Variants in LRRTM4 observed in about 807,000 individuals in gnomAD.
LRRTM4 encodes leucine rich repeat transmembrane neuronal 4.
A neutral mutation model predicts 47.6 loss-of-function variants in LRRTM4; 25 were observed. That is an observed-to-expected ratio of 0.53 (90% CI 0.38 to 0.73). The LOEUF is 0.73. Among genes scored for constraint, LRRTM4 ranks in the 30% least tolerant of loss-of-function variants. The probability of loss-of-function intolerance (pLI) is 0.00; values close to 1 mark genes in which losing one functional copy is unlikely to be tolerated. For synonymous variants in LRRTM4, 311 were observed against 269.5 expected (o/e 1.15, Z -1.51); for missense variants, 638 against 713.4 (o/e 0.89, Z 1.20).
At chr2:76,954,917 A>G (rs965651851) in intron 3 of LRRTM4, among the ~76,000 whole-genome samples, 13 of 151,624 alleles carry the variant, frequency 8.6e-5, no homozygotes, top group Non-Finnish European at 1.6e-4. Context: ...TGCTGGGGAC[A>G]AAACAAAAAC....
At chr2:77,467,213 C>T (rs1210158052) in intron 3 of LRRTM4, among the ~76,000 whole-genome samples, 1 of 151,994 alleles carries the variant, frequency 6.6e-6, no homozygotes, top group Non-Finnish European at 1.5e-5. Context: ...GACTCTTTTC[C>T]CCCTCCCACT....
intron 3 of LRRTM4, among the ~76,000 whole-genome samples, chr2:76,964,917 C>T (rs1023587519): frequency 3.3e-5 from 5 of 151,030 alleles, no homozygotes; most frequent in Non-Finnish European, 7.4e-5. Flanking sequence ...ACAAACAACT[C>T]TATACCCACA....
chr2:77,133,811 T>C (rs1671863785), intron 3 of LRRTM4, among the ~76,000 whole-genome samples: 7 of 152,210 alleles, frequency 4.6e-5, no homozygotes, highest in Admixed American at 4.6e-4. Flanking sequence ...AGGCATGAGT[T>C]TCCGCAGTCA....
At chr2:76,867,589 A>G (rs1192075241) in intron 3 of LRRTM4, among the ~76,000 whole-genome samples, 1 of 152,170 alleles carries the variant, frequency 6.6e-6, no homozygotes, top group Non-Finnish European at 1.5e-5. Flanking sequence ...TCAGTTGAAG[A>G]GATACTTGCC....
chr2:77,071,165 T>A (rs953741631), intron 3 of LRRTM4, among the ~76,000 whole-genome samples: 1 of 152,118 alleles, frequency 6.6e-6, no homozygotes, highest in African/African-American at 2.4e-5. Context: ...AAACAAATCA[T>A]CAAAATCTTC....
chr2:77,157,348 G>C (rs1270577220), intron 3 of LRRTM4, among the ~76,000 whole-genome samples: 1 of 152,110 alleles, frequency 6.6e-6, no homozygotes, highest in African/African-American at 2.4e-5. Context: ...AATTGCATTA[G>C]TTAGAATAAG....
chr2:76,855,006 A>C (rs551829393), intron 3 of LRRTM4, among the ~76,000 whole-genome samples: 1 of 152,286 alleles, frequency 6.6e-6, no homozygotes, highest in South Asian at 2.1e-4. Flanking sequence ...GTAATAAATA[A>C]GAAGGTCCAG....
chr2:77,074,726 A>T (rs925835606), intron 3 of LRRTM4, among the ~76,000 whole-genome samples: 36 of 152,304 alleles, frequency 2.4e-4, no homozygotes, highest in Admixed American at 5.9e-4. Flanking sequence ...AGCATGAAAA[A>T]AGGTCAATTG....
chr2:77,089,011 G>C (rs1680828790), intron 3 of LRRTM4, among the ~76,000 whole-genome samples: 1 of 152,004 alleles, frequency 6.6e-6, no homozygotes, highest in Non-Finnish European at 1.5e-5. Context: ...TCACGGACTG[G>C]GAAGGCAGCC....
At chr2:76,826,495 G>A (rs1431158148) in intron 3 of LRRTM4, among the ~76,000 whole-genome samples, 1 of 150,938 alleles carries the variant, frequency 6.6e-6, no homozygotes, top group Non-Finnish European at 1.5e-5. Context: ...TTGGAAAGTA[G>A]GAGAATCAAT....
rs138195746 is a variant in LRRTM4, at chr2:76,999,766, T to A, written c.1552-250850A>T. ...CACGGCACACAGTTTAGAATTTCTC[T>A]GTCTGTACCTATTTTCCACTTGTCT... On this transcript the variant is annotated intron_variant, in intron 3 of 3. Coordinates refer to ENST00000409884, the MANE Select transcript of LRRTM4 (RefSeq NM_001134745.3). Among the ~76,000 whole-genome samples the A allele has an allele frequency of 6.4e-4, 98 of 152,278 alleles. No homozygotes were observed. The East Asian group carries it at 0.015, about 24-fold the overall frequency.
chr2:76,857,942 C>A (rs939426518), intron 3 of LRRTM4, among the ~76,000 whole-genome samples: 2 of 152,112 alleles, frequency 1.3e-5, no homozygotes, highest in Non-Finnish European at 2.9e-5. Flanking sequence ...TTTACTCCAA[C>A]AGGTACTAGA....
chr2:76,969,048 T>A (rs1475536235), intron 3 of LRRTM4, among the ~76,000 whole-genome samples: 1 of 151,914 alleles, frequency 6.6e-6, no homozygotes, highest in Non-Finnish European at 1.5e-5. Context: ...CATTCAAGGT[T>A]GTATTACTCT....
rs969659999 is a variant in LRRTM4 at position 77,156,838 on chromosome 2, A to C, written c.1551+361480T>G. ...TCTGCCACCTCCGCCTCCCAAAGTG[A>C]TGGGACTATAGATGTGAGCTACAGG... On this transcript the variant is annotated intron_variant, in intron 3 of 3. Coordinates refer to ENST00000409884, the MANE Select transcript of LRRTM4 (RefSeq NM_001134745.3). Among the ~76,000 whole-genome samples, 3 of 151,506 alleles carry C rather than the reference A, an allele frequency of 2.0e-5. No homozygotes were observed. In the South Asian group the frequency reaches 6.2e-4, roughly 31 times the overall value.
chr2:77,390,255 T>C (rs1673448242), intron 3 of LRRTM4, among the ~76,000 whole-genome samples: 1 of 151,908 alleles, frequency 6.6e-6, no homozygotes. Context: ...TAAACAACAT[T>C]TAAACACTAT....
At chr2:77,512,827 G>A (rs1313685930) in intron 3 of LRRTM4, among the ~76,000 whole-genome samples, 1 of 152,068 alleles carries the variant, frequency 6.6e-6, no homozygotes, top group African/African-American at 2.4e-5. Context: ...CTTCTCAGCT[G>A]GGAGTCTTCA....
intron 3 of LRRTM4, among the ~76,000 whole-genome samples, chr2:76,814,387 A>C (rs1460425360): frequency 2.8e-5 from 4 of 142,724 alleles, no homozygotes; most frequent in African/African-American, 5.0e-5. Context: ...TTGAAGAAAA[A>C]AGCTATTGGC....
intron 3 of LRRTM4, among the ~76,000 whole-genome samples, chr2:76,969,001 T>G (rs1053589528): frequency 1.3e-5 from 2 of 151,914 alleles, no homozygotes; most frequent in African/African-American, 4.8e-5. Flanking sequence ...CTGCCTTTAT[T>G]GGCCTCCCAA....
chr2:76,793,704 A>G (rs1226398034), intron 3 of LRRTM4, among the ~76,000 whole-genome samples: 1 of 152,124 alleles, frequency 6.6e-6, no homozygotes, highest in Non-Finnish European at 1.5e-5. Flanking sequence ...AGCCTTTGCA[A>G]AGTGTCTTCC....
Sources: gnomAD v4.1 joint callset for allele counts (sites outside exome capture counted in the v4.1 genomes callset) on GRCh38, gnomAD v4.1.1 for gene constraint, MANE v1.5 for transcripts, NCBI Gene and HGNC (gene_info 2026-07-23, HGNC 2026-07-21) for gene names.